PPA2: variants seen among roughly 807,000 people sequenced by gnomAD.
PPA2 encodes inorganic pyrophosphatase 2, also known as inorganic pyrophosphatase 2, mitochondrial.
Under a neutral mutation model 49.5 loss-of-function variants are expected in PPA2, and 48 were observed. That is an observed-to-expected ratio of 0.97 (90% CI 0.77 to 1.23). The LOEUF is 1.23. Ranked by LOEUF, PPA2 falls within the 50% of genes most tolerant of loss-of-function variation. PPA2 has a pLI of 0.00. For synonymous variants in PPA2, 131 were observed against 139.9 expected, an observed-to-expected ratio of 0.94 and a Z score of 0.45; for missense variants, 429 against 410.1, an observed-to-expected ratio of 1.05 and a Z score of -0.40.
chr4:105,462,023 G>T (rs1723113842), intron 1 of PPA2, among the ~76,000 whole-genome samples: 1 of 152,148 alleles, frequency 6.6e-6, no homozygotes, highest in South Asian at 2.1e-4. Flanking sequence ...CATTTAAAGG[G>T]TATTAAAATT....
At chr4:105,405,015 G>A (rs1281375724) in intron 7 of PPA2, 10 of 183,110 alleles carry the variant, frequency 5.5e-5, no homozygotes, top group African/African-American at 9.5e-5. Context: ...CCTGGGAGGC[G>A]GAGCTTGCAG....
intron 3 of PPA2, 113 bp downstream of exon 3, chr4:105,453,485 A>G: frequency 1.4e-6 from 1 of 722,200 alleles, no homozygotes; most frequent in East Asian, 3.1e-5. Context: ...AATGCACATG[A>G]AAGTCTTGCA....
chr4:105,437,902 G>A (rs765766495), intron 6 of PPA2, 48 bp downstream of exon 6: 2 of 1,461,488 alleles, frequency 1.4e-6, no homozygotes, highest in Non-Finnish European at 1.9e-6. Flanking sequence ...TTTATGGCAT[G>A]AATAAACCAA....
intron 2 of PPA2, chr4:105,456,118 A>G (rs1186613707): frequency 2.6e-6 from 1 of 390,918 alleles, no homozygotes; most frequent in Non-Finnish European, 5.0e-6. Flanking sequence ...TTTCAGTTCT[A>G]AGAGAACAGC....
chr4:105,463,766 G>A (rs1043800752), intron 1 of PPA2, among the ~76,000 whole-genome samples: 4 of 152,216 alleles, frequency 2.6e-5, no homozygotes, highest in Non-Finnish European at 5.9e-5. Flanking sequence ...TCAGCGGGTG[G>A]AAGCCCCAAG....
At chr4:105,414,909 T>TAG (rs1722935955) in intron 7 of PPA2, among the ~76,000 whole-genome samples, 2 of 152,042 alleles carry the variant, frequency 1.3e-5, no homozygotes, top group South Asian at 4.2e-4. Flanking sequence ...CAGAAGTGGG[T>TAG]AGCTCCTATC....
chr4:105,461,289 G>T (rs1463277661), intron 1 of PPA2, among the ~76,000 whole-genome samples: 11 of 152,232 alleles, frequency 7.2e-5, no homozygotes, highest in African/African-American at 2.7e-4. Context: ...AAAAACGGTG[G>T]TGTTAGCATG....
chr4:105,448,809 GA>G (rs1165409987), intron 4 of PPA2, among the ~76,000 whole-genome samples: 4 of 150,834 alleles, frequency 2.7e-5, no homozygotes, highest in Non-Finnish European at 4.4e-5. Flanking sequence ...TTTCAAAGGA[GA>G]AAAAAAGAAA....
chr4:105,466,637 AG>A (rs1220250335), intron 1 of PPA2, among the ~76,000 whole-genome samples: 2 of 152,338 alleles, frequency 1.3e-5, no homozygotes, highest in African/African-American at 4.8e-5. Context: ...GCTTTAGAGC[AG>A]GAACAAAGGG....
chr4:105,388,933 G>C (rs999391811), intron 9 of PPA2, among the ~76,000 whole-genome samples: 3 of 151,898 alleles, frequency 2.0e-5, no homozygotes, highest in African/African-American at 7.2e-5. Flanking sequence ...CCGATACATA[G>C]GATGAAAGAT....
chr4:105,466,064 C>T (rs1723288172), intron 1 of PPA2, among the ~76,000 whole-genome samples: 1 of 152,086 alleles, frequency 6.6e-6, no homozygotes, highest in South Asian at 2.1e-4. Context: ...CTACCACAAA[C>T]TTCGTGTCTC....
chr4:105,464,193 G>A lies in PPA2; in HGVS notation c.158-7448C>T, dbSNP rs530235853. Among the ~76,000 whole-genome samples the A allele has an allele frequency of 4.9e-4, 74 of 152,328 alleles. 1 individual carries two copies. In the South Asian group the frequency reaches 0.014, roughly 29 times the overall value. On this transcript the variant is annotated intron_variant, in intron 1 of 11. Transcript: ENST00000341695. ...ACAGGAACCCACCTCTTGCATCGGC[G>A]TGACCTGGGTGTGAGACACATGGAA...
rs746938348 is a variant in PPA2, at chr4:105,456,716, AG to A, written c.186del (p.His64MetfsTer5). On this transcript the variant is annotated frameshift_variant, in exon 2 of 12. Coordinates refer to ENST00000341695, the MANE Select transcript of PPA2 (RefSeq NM_176869.3). LOFTEE classifies it high-confidence loss of function. ...TTCACCTTCAGAGGAATATCATGAA[AG>A]GGGGAAATGTAGTGACCAGTTACAT... ...FKNVTGHYIS[P>X]FHDIPLKVNS... 4.4e-6 allele frequency: 7 copies of A among 1,608,040 alleles called. No individual in the cohort carries two copies. The highest frequency in any genetic ancestry group is 5.9e-6 in the Non-Finnish European group (7 of 1,176,894).
At chr4:105,408,025 AAGAG>A (rs1722564253) in intron 7 of PPA2, among the ~76,000 whole-genome samples, 1 of 152,142 alleles carries the variant, frequency 6.6e-6, no homozygotes, top group Admixed American at 6.5e-5. Flanking sequence ...AAAAATATAA[AAGAG>A]AGAGAGAGTC....
intron 1 of PPA2, among the ~76,000 whole-genome samples, chr4:105,466,693 G>C (rs1054159547): frequency 2.6e-5 from 4 of 152,200 alleles, no homozygotes; most frequent in Non-Finnish European, 5.9e-5. Context: ...AACTTGAAAA[G>C]ACAAATGCAC....
chr4:105,389,439 C>T (rs868442921), intron 9 of PPA2, among the ~76,000 whole-genome samples: 6 of 134,680 alleles, frequency 4.5e-5, no homozygotes, highest in African/African-American at 8.6e-5. Flanking sequence ...CCACTATAAA[C>T]GAAACTTAAA....
intron 9 of PPA2, among the ~76,000 whole-genome samples, chr4:105,390,827 A>C (rs1733884396): frequency 6.6e-6 from 1 of 152,202 alleles, no homozygotes; most frequent in Non-Finnish European, 1.5e-5. Context: ...CAGCGATGTC[A>C]TTACTGGGTA....
At chr4:105,470,372 G>C (rs1331182852) in intron 1 of PPA2, among the ~76,000 whole-genome samples, 2 of 152,194 alleles carry the variant, frequency 1.3e-5, no homozygotes, top group Non-Finnish European at 2.9e-5. Flanking sequence ...TGTAGTCCCA[G>C]CTACCCAGGA....
chr4:105,431,889 A>G (rs1208516427), intron 6 of PPA2, among the ~76,000 whole-genome samples: 1 of 152,208 alleles, frequency 6.6e-6, no homozygotes, highest in Non-Finnish European at 1.5e-5. Context: ...AACCTATAGT[A>G]TAGAGACAGT....
Sources: allele counts gnomAD v4.1 joint callset (sites outside exome capture counted in the v4.1 genomes callset), GRCh38; gene constraint gnomAD v4.1.1; transcripts MANE v1.5; gene names NCBI Gene and HGNC (gene_info 2026-07-23, HGNC 2026-07-21).